The following COBLL1 variants were observed in gnomAD, a reference collection of about 807,000 sequenced individuals.
COBLL1 encodes cordon-bleu protein-like 1.
Under a neutral mutation model 94.8 loss-of-function variants are expected in COBLL1, and 50 were observed. The ratio of observed to expected loss-of-function variants is 0.53; its 90% confidence interval spans 0.42 to 0.67. The LOEUF (loss-of-function observed/expected upper bound fraction) is 0.67, where lower values mean the gene tolerates loss of function less well. COBLL1 is among the 30% of genes least tolerant of loss of function. The pLI, the probability that COBLL1 is intolerant of heterozygous loss-of-function variation, is 0.00. For synonymous variants in COBLL1, 448 were observed against 473.8 expected (o/e 0.95, Z 0.71); for missense variants, 1,362 against 1,348.7 (o/e 1.01, Z -0.15).
chr2:164,739,088 C>G (rs1686467214), intron 3 of COBLL1, among the ~76,000 whole-genome samples: 1 of 151,916 alleles, frequency 6.6e-6, no homozygotes, highest in Admixed American at 6.6e-5. Flanking sequence ...CATGGCAACC[C>G]CCGCCCAATG....
downstream of COBLL1, among the ~76,000 whole-genome samples, chr2:164,679,263 G>A (rs1262685791): frequency 2.0e-5 from 3 of 152,124 alleles, no homozygotes; most frequent in Admixed American, 6.5e-5. Context: ...GGGATGTGGT[G>A]CAACACCTCG....
At chr2:164,819,053 G>T (rs1685030700) in intron 2 of COBLL1, among the ~76,000 whole-genome samples, 1 of 151,840 alleles carries the variant, frequency 6.6e-6, no homozygotes, top group African/African-American at 2.4e-5. Flanking sequence ...CTACAGGTGT[G>T]GGCAACCGTG....
intron 2 of COBLL1, among the ~76,000 whole-genome samples, chr2:164,834,479 T>A (rs1229094173): frequency 1.3e-5 from 2 of 152,258 alleles, no homozygotes; most frequent in Admixed American, 6.5e-5. Flanking sequence ...GTATAAGATA[T>A]ATTTCACTCC....
intron 2 of COBLL1, among the ~76,000 whole-genome samples, chr2:164,803,675 T>C (rs1683941772): frequency 6.6e-6 from 1 of 152,246 alleles, no homozygotes; most frequent in South Asian, 2.1e-4. Context: ...AGGCTTATGA[T>C]ATCTTTTGTC....
Position 164,683,882 on chromosome 2 carries a change from C to T in COBLL1, c.*2064G>A, listed in dbSNP as rs552617990. ...ACTAAAGCTGAGCACGGGTTAGGAC[C>T]CCTTTCTGCTGTTTTACACAAGGCT... is the stretch of plus-strand genomic sequence containing the variant. On this transcript the variant is annotated 3_prime_UTR_variant, in exon 14 of 14. Transcript: ENST00000652658. The T allele has an allele frequency of 6.6e-6, 1 of 152,162 alleles. No individual in the cohort carries two copies. The highest frequency in any genetic ancestry group is 2.4e-5 in the African/African-American group (1 of 41,522). The allele number at this position is 152,162 out of a possible 1,614,324, so 9.4% of individuals were successfully genotyped here.
chr2:164,819,758 G>T (rs1293489874), intron 2 of COBLL1, among the ~76,000 whole-genome samples: 1 of 151,528 alleles, frequency 6.6e-6, no homozygotes, highest in Non-Finnish European at 1.5e-5. Context: ...TTTTTGTTTA[G>T]TTATTTCCAC....
chr2:164,742,547 C>T (rs1011589853), intron 3 of COBLL1, among the ~76,000 whole-genome samples: 1 of 152,018 alleles, frequency 6.6e-6, no homozygotes, highest in African/African-American at 2.4e-5. Context: ...TGGGAGCCTA[C>T]CACAGACAAT....
intron 2 of COBLL1, among the ~76,000 whole-genome samples, chr2:164,833,750 G>C (rs571030614): frequency 6.6e-6 from 1 of 152,084 alleles, no homozygotes; most frequent in Admixed American, 6.6e-5. Context: ...GCGCCAGGCC[G>C]ACAATTCCAA....
chr2:164,819,864 T>C (rs1207204195), intron 2 of COBLL1, among the ~76,000 whole-genome samples: 1 of 151,948 alleles, frequency 6.6e-6, no homozygotes, highest in Non-Finnish European at 1.5e-5. Context: ...CTCACTCTGT[T>C]GCCCAGGCTG....
chr2:164,669,054 T>C (rs1691208260), intron 1 of COBLL1, among the ~76,000 whole-genome samples: 1 of 152,214 alleles, frequency 6.6e-6, no homozygotes, highest in African/African-American at 2.4e-5. Flanking sequence ...CTGAACATAG[T>C]TTTCCCCCCA....
chr2:164,788,839 C>CAAAAA (rs34224594), intron 2 of COBLL1, among the ~76,000 whole-genome samples: 1 of 140,412 alleles, frequency 7.1e-6, no homozygotes, highest in African/African-American at 2.6e-5. Context: ...TATGTTTAAC[C>CAAAAA]AAAAAAAAAA....
chr2:164,692,517 A>G, intron 12 of COBLL1, 120 bp from the exon 13 acceptor site: 7 of 728,764 alleles, frequency 9.6e-6, no homozygotes, highest in Non-Finnish European at 1.6e-5. Flanking sequence ...CTGGTGTTTC[A>G]GACACAGCTC....
intron 11 of COBLL1, chr2:164,698,022 A>C (rs1428028304): frequency 6.6e-6 from 1 of 152,104 alleles, no homozygotes; most frequent in Non-Finnish European, 1.5e-5. Flanking sequence ...GACATTATTT[A>C]CTTTAAAAAA....
intron 2 of COBLL1, among the ~76,000 whole-genome samples, chr2:164,800,857 G>T (rs1683739142): frequency 1.3e-5 from 2 of 152,172 alleles, no homozygotes; most frequent in Non-Finnish European, 2.9e-5. Flanking sequence ...AAACTACAGT[G>T]ACAAAGAATA....
chr2:164,727,756 A>C (rs927578182), intron 5 of COBLL1, among the ~76,000 whole-genome samples: 1 of 151,868 alleles, frequency 6.6e-6, no homozygotes, highest in Admixed American at 6.6e-5. Flanking sequence ...TTTTAATTCC[A>C]ATTTCAATAA....
chr2:164,711,464 A>G (rs1020042614), intron 7 of COBLL1, among the ~76,000 whole-genome samples: 6 of 152,208 alleles, frequency 3.9e-5, no homozygotes, highest in African/African-American at 9.6e-5. Context: ...ACAGTGCCCA[A>G]TGTTCAGGAA....
intron 2 of COBLL1, among the ~76,000 whole-genome samples, chr2:164,820,378 C>A (rs1025820492): frequency 6.6e-6 from 1 of 151,724 alleles, no homozygotes; most frequent in African/African-American, 2.4e-5. Context: ...TGTCACCACA[C>A]CTGGCTAATT....
intron 7 of COBLL1, among the ~76,000 whole-genome samples, chr2:164,712,610 T>C (rs1684954298): frequency 6.6e-6 from 1 of 152,094 alleles, no homozygotes; most frequent in African/African-American, 2.4e-5. Context: ...TAACTCTTGA[T>C]GGAAGAATGT....
At chr2:164,677,531 G>A (rs921951288), downstream of COBLL1, among the ~76,000 whole-genome samples, 1 of 152,176 alleles carries the variant, frequency 6.6e-6, no homozygotes, top group Non-Finnish European at 1.5e-5. Flanking sequence ...GGCACAAACA[G>A]GGAGCTATTA....
Sources: allele counts gnomAD v4.1 joint callset (sites outside exome capture counted in the v4.1 genomes callset), GRCh38; gene constraint gnomAD v4.1.1; transcripts MANE v1.5; gene names NCBI Gene and HGNC (gene_info 2026-07-23, HGNC 2026-07-21).